ERVMER34-1: variants seen among roughly 807,000 people sequenced by gnomAD.
The protein encoded by ERVMER34-1 is endogenous retroviral envelope protein HEMO.
For missense variants in ERVMER34-1, 471 were observed against 295.1 expected (o/e 1.60, Z -4.37); for synonymous variants, 199 against 111.7 (o/e 1.78, Z -4.93).
In ERVMER34-1 at chr4:52,743,383, T is replaced by C. The variant is rs182748164; in HGVS notation, c.*446A>G. 2.0e-5 allele frequency: 3 copies of C among 153,742 alleles called. No individual in the cohort carries two copies. The East Asian group carries it at 5.7e-4, about 29-fold the overall frequency. 9.5% of individuals were successfully genotyped at this position (153,742 alleles called of 1,614,324 possible). ...ATGTGTACATTGGATTCTTCTACCT[T>C]CAACCAAAATCAAGGGAACAAAATT... On this transcript the variant is annotated 3_prime_UTR_variant, in exon 3 of 3. Coordinates refer to ENST00000443173, the MANE Select transcript of ERVMER34-1 (RefSeq NM_001242690.2).
At position 52,743,540 on chromosome 4, in the gene ERVMER34-1, T is replaced by G; in HGVS notation, c.*289A>C. 1 of 255,990 alleles carries G rather than the reference T, an allele frequency of 3.9e-6. No individual in the cohort carries two copies. Among genetic ancestry groups the G allele is most frequent in the Non-Finnish European group, 7.3e-6 (1 of 136,256 alleles). The allele number at this position is 255,990 out of a possible 1,614,324, so 15.9% of individuals were successfully genotyped here. A position where few individuals can be genotyped will look rare whatever the true frequency, so the allele number is the denominator to read the frequency against. The stretch of plus-strand genomic sequence containing the variant: ...AATTAACAGATCAATAGAAAAAACA[T>G]TTATTATATATGCATGCAAGAACAC... On this transcript the variant is annotated 3_prime_UTR_variant, in exon 3 of 3. Coordinates refer to ENST00000443173, the MANE Select transcript of ERVMER34-1 (RefSeq NM_001242690.2).
chr4:52,745,293 C>T lies in ERVMER34-1; in HGVS notation c.228G>A (p.Met76Ile), dbSNP rs1002735597. The T allele has an allele frequency of 1.6e-5, 11 of 703,956 alleles. No individual in the cohort carries two copies. In the African/African-American group the frequency reaches 1.7e-4, roughly 11 times the overall value. 43.6% of individuals were successfully genotyped at this position (703,956 alleles called of 1,614,324 possible). ...STWWTYSGQWMYERVWYPQAE... is the reference protein window; with the variant it reads ...STWWTYSGQWIYERVWYPQAE... ...CTTGTGGATACCACACCCTTTCATA[C>T]ATCCATTGTCCAGAATAGGTCCACC... The change falls in exon 3 of 3, where the codon ATG becomes ATA. Residue 76 changes from methionine to isoleucine, a missense_variant. By Grantham distance (10) the Met-to-Ile change is conservative. Coordinates refer to ENST00000443173, the MANE Select transcript of ERVMER34-1 (RefSeq NM_001242690.2).
intron 2 of ERVMER34-1, 75 bp from the exon 3 acceptor site, chr4:52,746,018 C>G (rs1716148099): frequency 6.3e-6 from 1 of 159,054 alleles, no homozygotes; most frequent in African/African-American, 2.4e-5. Context: ...TCCAAGTATA[C>G]TAATTATTGT....
chr4:52,743,925 T>C lies in ERVMER34-1; in HGVS notation c.1596A>G (p.Gln532=), dbSNP rs1021912952. 20 of 1,329,546 alleles carry C rather than the reference T, an allele frequency of 1.5e-5. No individual in the cohort carries two copies. The highest frequency in any genetic ancestry group is 2.1e-5 in the Non-Finnish European group (20 of 957,268). 82.4% of individuals were successfully genotyped at this position (1,329,546 alleles called of 1,614,324 possible). ...TTTCACTGACAAGGAGCTGTGCTGATTGCTGTGGAGATAAGGCTAGGTTCA... is the reference window on the plus strand; with the variant it reads ...TTTCACTGACAAGGAGCTGTGCTGACTGCTGTGGAGATAAGGCTAGGTTCA... ...QPLNLALSPQ[Q]SAQLLVSETS... The change falls in exon 3 of 3, where the codon CAA becomes CAG. Residue 532 remains glutamine, a synonymous_variant. Coordinates refer to ENST00000443173, the MANE Select transcript of ERVMER34-1 (RefSeq NM_001242690.2).
At position 52,745,190 on chromosome 4, in the gene ERVMER34-1, G is replaced by C. The variant is rs1010149395; in HGVS notation, c.331C>G (p.Leu111Val). The C allele has an allele frequency of 2.8e-6, 2 of 704,090 alleles. No homozygotes were observed. The highest frequency in any genetic ancestry group is 5.2e-6 in the Non-Finnish European group (2 of 385,002). The allele number at this position is 704,090 out of a possible 1,614,324, so 43.6% of individuals were successfully genotyped here. ...HWEASMEAQG[L>V]SFAQVRLLEG... is the part of the protein sequence containing the mutation. ...AATAACCTTACTTGAGCAAAGGATA[G>C]ACCTTGAGCTTCCATGGAGGCTTCC... Residue 111 changes from leucine (L) to valine (V), a missense_variant, in exon 3 of 3, where the codon CTA becomes GTA. By Grantham distance (32) the Leu-to-Val change is conservative. Coordinates refer to ENST00000443173, the MANE Select transcript of ERVMER34-1 (RefSeq NM_001242690.2).
At position 52,743,737 on chromosome 4, in the gene ERVMER34-1, G is replaced by A; in HGVS notation, c.*92C>T. 8.2e-7 allele frequency: 1 copy of A among 1,221,796 alleles called. No homozygotes were observed. Among genetic ancestry groups the A allele is most frequent in the Admixed American group, 2.9e-5 (1 of 34,540 alleles). 75.7% of individuals were successfully genotyped at this position (1,221,796 alleles called of 1,614,324 possible). On this transcript the variant is annotated 3_prime_UTR_variant, in exon 3 of 3. Transcript: ENST00000443173. Reference sequence around the variant, plus strand: ...TTATAAGAGGAACACTCAGAGGAGGGTTTTGGCAGCTGAATTCTCGGTAAG... The same window carrying A: ...TTATAAGAGGAACACTCAGAGGAGGATTTTGGCAGCTGAATTCTCGGTAAG...
chr4:52,748,697 C>T (rs1716209800), intron 2 of ERVMER34-1, among the ~76,000 whole-genome samples: 1 of 152,144 alleles, frequency 6.6e-6, no homozygotes, highest in Non-Finnish European at 1.5e-5. Flanking sequence ...GAAACCTTCA[C>T]TGAGATATTG....
At position 52,744,606 on chromosome 4, in the gene ERVMER34-1, C is replaced by T. The variant is rs1161383297; in HGVS notation, c.915G>A (p.Val305=). 3 of 704,082 alleles carry T rather than the reference C, an allele frequency of 4.3e-6. No homozygotes were observed. In the South Asian group the frequency reaches 4.4e-5, roughly 10 times the overall value. 43.6% of individuals were successfully genotyped at this position (704,082 alleles called of 1,614,324 possible). A position where few individuals can be genotyped will look rare whatever the true frequency, so the allele number is the denominator to read the frequency against. The stretch of plus-strand genomic sequence containing the variant: ...ACCATTTAGGTGGAAACCCTTTGTA[C>T]ACCCCATTGCCGCACAAAAAAAAGA... ...SGLFFLCGNG[V]YKGFPPKWSG... Residue 305 remains valine, a synonymous_variant, in exon 3 of 3, where the codon GTG becomes GTA. Coordinates refer to ENST00000443173, the MANE Select transcript of ERVMER34-1 (RefSeq NM_001242690.2).
At position 52,743,974 on chromosome 4, in the gene ERVMER34-1, C is replaced by T. The variant is rs542449779; in HGVS notation, c.1547G>A (p.Arg516His). The part of the protein sequence containing the change: ...LIYVRVFRKS[R>H]RSLNSQPLNL... The stretch of plus-strand genomic sequence containing the variant: ...CAGAGGTTGGGAGTTAAGGGATCTG[C>T]GAGATTTGCGAAAGACACGAACATA... Residue 516 changes from arginine (R) to histidine (H), a missense_variant, in exon 3 of 3, where the codon CGC becomes CAC. Physicochemically the swap from Arg to His is conservative, Grantham distance 29. Coordinates refer to ENST00000443173, the MANE Select transcript of ERVMER34-1 (RefSeq NM_001242690.2). The T allele has an allele frequency of 1.6e-5, 13 of 813,720 alleles. No homozygotes were observed. Among genetic ancestry groups the T allele is most frequent in the African/African-American group, 5.1e-5 (3 of 59,362 alleles). The allele number at this position is 813,720 out of a possible 1,614,324, so 50.4% of individuals were successfully genotyped here.
Position 52,744,314 on chromosome 4 carries a change from T to C in ERVMER34-1, c.1207A>G (p.Lys403Glu). Residue 403 changes from lysine (K) to glutamate (E), a missense_variant, in exon 3 of 3, where the codon AAG (lysine) becomes GAG (glutamate). By Grantham distance (56) the Lys-to-Glu change is moderately conservative. Transcript: ENST00000443173. Reference protein sequence around the residue: ...KAMEQEFSATKQTLEAHQSKV... With the variant: ...KAMEQEFSATEQTLEAHQSKV... ...GATTGGTGTGCTTCCAAGGTCTGCT[T>C]AGTGGCACTGAATTCCTGTTCCATT... 1.4e-6 allele frequency: 1 copy of C among 704,178 alleles called. No individual in the cohort carries two copies. The highest frequency in any genetic ancestry group is 2.6e-6 in the Non-Finnish European group (1 of 385,012). The allele number at this position is 704,178 out of a possible 1,614,324, so 43.6% of individuals were successfully genotyped here. A position where few individuals can be genotyped will look rare whatever the true frequency, so the allele number is the denominator to read the frequency against.
In ERVMER34-1 at chr4:52,745,828, G is replaced by C. The variant is rs1199659464; in HGVS notation, c.-308C>G. On this transcript the variant is annotated 5_prime_UTR_variant, in exon 3 of 3. Transcript: ENST00000443173. ...CTTCCTGTGGCTTGTACAAATTCAG[G>C]AATTTTATTTTGATGACTATGTAGG... The C allele has an allele frequency of 6.2e-6, 2 of 323,108 alleles. No individual in the cohort carries two copies. Among genetic ancestry groups the C allele is most frequent in the Non-Finnish European group, 1.1e-5 (2 of 176,356 alleles). 20.0% of individuals were successfully genotyped at this position (323,108 alleles called of 1,614,324 possible). A position where few individuals can be genotyped will look rare whatever the true frequency, so the allele number is the denominator to read the frequency against.
chr4:52,749,804 T>C lies in ERVMER34-1; in HGVS notation c.-424+1126A>G, dbSNP rs557744004. Among the ~76,000 whole-genome samples, 4 of 152,196 alleles carry C rather than the reference T, an allele frequency of 2.6e-5. No homozygotes were observed. The South Asian group carries it at 8.3e-4, about 32-fold the overall frequency. Reference sequence around the variant, plus strand: ...CAAACAAACAAAAACAGACTTACTCTATCCTGTGACAACTCTTATAAACAA... The same window carrying C: ...CAAACAAACAAAAACAGACTTACTCCATCCTGTGACAACTCTTATAAACAA... On this transcript the variant is annotated intron_variant, in intron 2 of 2. Coordinates refer to ENST00000443173, the MANE Select transcript of ERVMER34-1 (RefSeq NM_001242690.2).
rs1422160002 is a variant in ERVMER34-1, at chr4:52,745,365, A to T, written c.156T>A (p.Asn52Lys). 1.4e-6 allele frequency: 1 copy of T among 704,132 alleles called. No homozygotes were observed. Among genetic ancestry groups the T allele is most frequent in the Non-Finnish European group, 2.6e-6 (1 of 385,016 alleles). The allele number at this position is 704,132 out of a possible 1,614,324, so 43.6% of individuals were successfully genotyped here. A position where few individuals can be genotyped will look rare whatever the true frequency, so the allele number is the denominator to read the frequency against. Residue 52 changes from asparagine (N) to lysine (K), a missense_variant, in exon 3 of 3, where the codon AAT (asparagine) becomes AAA (lysine). Coordinates refer to ENST00000443173, the MANE Select transcript of ERVMER34-1 (RefSeq NM_001242690.2). ...SNCWLCEHLD[N>K]AEQPELVFVP... ...CAAAAACTAGTTCGGGTTGTTCTGCATTATCTAGATGTTCACATAACCAGC... is the reference window on the plus strand; with the variant it reads ...CAAAAACTAGTTCGGGTTGTTCTGCTTTATCTAGATGTTCACATAACCAGC...
rs1469707717 is a variant in ERVMER34-1, at chr4:52,742,666, C to T, written c.*1163G>A. On this transcript the variant is annotated 3_prime_UTR_variant, in exon 3 of 3. Transcript: ENST00000443173. ...GGGTGCAGTGGCTCACACCTATAAT[C>T]CTAGGACTTTGGGAGGTTGAGGTGG... The T allele has an allele frequency of 6.6e-6, 1 of 151,964 alleles. No individual in the cohort carries two copies. The highest frequency in any genetic ancestry group is 1.5e-5 in the Non-Finnish European group (1 of 68,032). 9.4% of individuals were successfully genotyped at this position (151,964 alleles called of 1,614,324 possible). A position where few individuals can be genotyped will look rare whatever the true frequency, so the allele number is the denominator to read the frequency against.
rs1716145181 is a variant in ERVMER34-1 at position 52,745,877 on chromosome 4, C to G, written c.-357G>C. On this transcript the variant is annotated 5_prime_UTR_variant, in exon 3 of 3. Transcript: ENST00000443173. ...GGTGGTTAGCAGTACTTCATAAGGT[C>G]TCTTCTTTTTCCAGGGAGGTTACAA... 1.5e-5 allele frequency: 3 copies of G among 198,890 alleles called. No individual in the cohort carries two copies. In the South Asian group the frequency reaches 4.1e-4, roughly 27 times the overall value. The allele number at this position is 198,890 out of a possible 1,614,324, so 12.3% of individuals were successfully genotyped here.
rs1426750330 is a variant in ERVMER34-1 at position 52,745,959 on chromosome 4, G to T, written c.-423-16C>A. 6.1e-6 allele frequency: 1 copy of T among 163,944 alleles called. No individual in the cohort carries two copies. The highest frequency in any genetic ancestry group is 1.7e-4 in the East Asian group (1 of 5,754). The allele number at this position is 163,944 out of a possible 1,614,324, so 10.2% of individuals were successfully genotyped here. A position where few individuals can be genotyped will look rare whatever the true frequency, so the allele number is the denominator to read the frequency against. ...ACTTGATCACCTGGTTGAAAAGATGGCAGGGTCTGTTAGTGAAAGCCACAC... is the reference window on the plus strand; with the variant it reads ...ACTTGATCACCTGGTTGAAAAGATGTCAGGGTCTGTTAGTGAAAGCCACAC... On this transcript the variant is annotated splice_polypyrimidine_tract_variant and intron_variant, in intron 2 of 2. Coordinates refer to ENST00000443173, the MANE Select transcript of ERVMER34-1 (RefSeq NM_001242690.2).
Position 52,745,588 on chromosome 4 carries a change from T to C in ERVMER34-1, c.-68A>G. 1 of 644,074 alleles carries C rather than the reference T, an allele frequency of 1.6e-6. No individual in the cohort carries two copies. Among genetic ancestry groups the C allele is most frequent in the Non-Finnish European group, 2.8e-6 (1 of 357,334 alleles). The allele number at this position is 644,074 out of a possible 1,614,324, so 39.9% of individuals were successfully genotyped here. ...ATGGAGATTCAATGAAAGGGGAGGG[T>C]TTTGTTTAAATTTCTAAGTCAGAGA... On this transcript the variant is annotated 5_prime_UTR_variant, in exon 3 of 3. Transcript: ENST00000443173.
intron 2 of ERVMER34-1, among the ~76,000 whole-genome samples, chr4:52,749,963 A>G (rs1476915483): frequency 6.6e-6 from 1 of 152,002 alleles, no homozygotes; most frequent in Non-Finnish European, 1.5e-5. Context: ...GAAACCCCAT[A>G]GATGATGATG....
At position 52,744,400 on chromosome 4, in the gene ERVMER34-1, G is replaced by T; in HGVS notation, c.1121C>A (p.Ala374Asp). Residue 374 changes from alanine to aspartate, a missense_variant, in exon 3 of 3, where the codon GCC (alanine) becomes GAC (aspartate). By Grantham distance (126) the Ala-to-Asp change is moderately radical (BLOSUM62 -2). Transcript: ENST00000443173. ...CNPKDNSTIR[A>D]LFPSLGTYDL... ...ATAAGTTCCCAAACTTGGAAAAAGG[G>T]CCCTTATTGTTGAATTGTCCTTGGG... 1.4e-6 allele frequency: 1 copy of T among 704,076 alleles called. No homozygotes were observed. Among genetic ancestry groups the T allele is most frequent in the Non-Finnish European group, 2.6e-6 (1 of 385,000 alleles). The allele number at this position is 704,076 out of a possible 1,614,324, so 43.6% of individuals were successfully genotyped here. A position where few individuals can be genotyped will look rare whatever the true frequency, so the allele number is the denominator to read the frequency against.
Sources: gnomAD v4.1 joint callset for allele counts (sites outside exome capture counted in the v4.1 genomes callset) on GRCh38, gnomAD v4.1.1 for gene constraint, MANE v1.5 for transcripts, NCBI Gene and HGNC (gene_info 2026-07-23, HGNC 2026-07-21) for gene names.